The following HCN1 variants were observed in gnomAD, a reference collection of about 807,000 sequenced individuals.
HCN1 encodes the protein hyperpolarization activated cyclic nucleotide gated potassium channel 1.
In HCN1, 13 loss-of-function variants were observed where a neutral mutation model predicts 78.9. That is an observed-to-expected ratio of 0.16 (90% CI 0.11 to 0.26). The LOEUF is 0.26. Among genes scored for constraint, HCN1 ranks in the 10% least tolerant of loss-of-function variants. The pLI, the probability that HCN1 is intolerant of heterozygous loss-of-function variation, is 1.00. For synonymous variants in HCN1, 552 were observed against 455.5 expected, an observed-to-expected ratio of 1.21 and a Z score of -2.70; for missense variants, 810 against 1,154.3, an observed-to-expected ratio of 0.70 and a Z score of 4.32.
At chr5:45,625,198 G>C (rs1304022399) in intron 2 of HCN1, among the ~76,000 whole-genome samples, 1 of 152,062 alleles carries the variant, frequency 6.6e-6, no homozygotes, top group Non-Finnish European at 1.5e-5. Flanking sequence ...AGCTACTTGG[G>C]AGACTGAGGT....
chr5:45,616,814 T>A (rs1744967050), intron 2 of HCN1, among the ~76,000 whole-genome samples: 1 of 152,034 alleles, frequency 6.6e-6, no homozygotes, highest in African/African-American at 2.4e-5. Context: ...TCCTTCGATT[T>A]TTTAATCAAA....
intron 2 of HCN1, among the ~76,000 whole-genome samples, chr5:45,640,858 G>GAAAAAAAAA (rs61584654): frequency 1.2e-5 from 1 of 82,274 alleles, no homozygotes; most frequent in Non-Finnish European, 2.7e-5. Context: ...AGGAGTGATA[G>GAAAAAAAAA]AAAAAAAAAA....
At chr5:45,475,182 A>G (rs1741487631) in intron 2 of HCN1, among the ~76,000 whole-genome samples, 1 of 152,050 alleles carries the variant, frequency 6.6e-6, no homozygotes, top group Non-Finnish European at 1.5e-5. Context: ...CATAATGAGT[A>G]TATGAAAGCA....
At chr5:45,585,560 G>A (rs1579984322) in intron 2 of HCN1, among the ~76,000 whole-genome samples, 1 of 152,144 alleles carries the variant, frequency 6.6e-6, no homozygotes. Flanking sequence ...TTGTTCTGTT[G>A]CTGGTGAGGA....
At chr5:45,435,570 A>T (rs1740546397) in intron 3 of HCN1, among the ~76,000 whole-genome samples, 2 of 152,158 alleles carry the variant, frequency 1.3e-5, no homozygotes, top group Non-Finnish European at 2.9e-5. Context: ...AATGACAATG[A>T]CTCAATGTAA....
At chr5:45,287,535 A>G (rs1450467833) in intron 6 of HCN1, among the ~76,000 whole-genome samples, 2 of 152,048 alleles carry the variant, frequency 1.3e-5, no homozygotes, top group Admixed American at 6.6e-5. Context: ...ATTAAGAACT[A>G]GTTGTTTGAA....
rs865839377 is a variant in HCN1, at chr5:45,523,686, C to T, written c.850-61679G>A. On this transcript the variant is annotated intron_variant, in intron 2 of 7. Coordinates refer to ENST00000303230, the MANE Select transcript of HCN1 (RefSeq NM_021072.4). ...TTGAGAGGTGTCTGTTCATGTCCTT[C>T]GCCCACTTTTTGATGGGTTTGTTTG... Among the ~76,000 whole-genome samples the T allele has an allele frequency of 8.0e-4, 122 of 152,118 alleles. 1 individual carries two copies. The highest frequency in any genetic ancestry group is 2.4e-3 in the African/African-American group (98 of 41,516).
intron 2 of HCN1, among the ~76,000 whole-genome samples, chr5:45,563,433 A>T (rs956742016): frequency 2.6e-5 from 4 of 152,106 alleles, no homozygotes; most frequent in Non-Finnish European, 1.5e-5. Context: ...CCTGGAGGAC[A>T]AAAGTGAGAC....
At chr5:45,272,922 T>C (rs1744986808) in intron 6 of HCN1, among the ~76,000 whole-genome samples, 2 of 152,126 alleles carry the variant, frequency 1.3e-5, no homozygotes, top group African/African-American at 4.8e-5. Flanking sequence ...TTTTTAAAGA[T>C]TGTCTTGGCA....
chr5:45,536,046 T>C (rs2111814618), intron 2 of HCN1, among the ~76,000 whole-genome samples: 1 of 152,180 alleles, frequency 6.6e-6, no homozygotes, highest in East Asian at 1.9e-4. Context: ...TTAAAGATAT[T>C]ATTATATTGT....
In HCN1 at chr5:45,600,292, T is replaced by A. The variant is rs1943864653; in HGVS notation, c.849+44893A>T. On this transcript the variant is annotated intron_variant, in intron 2 of 7. Coordinates refer to ENST00000303230, the MANE Select transcript of HCN1 (RefSeq NM_021072.4). Reference sequence around the variant, plus strand: ...GTTCTGAGTAAAATATTTGATTAATTGACCCCAAAATATTTTTCCTACTTT... The same window carrying A: ...GTTCTGAGTAAAATATTTGATTAATAGACCCCAAAATATTTTTCCTACTTT... 2.6e-5 allele frequency among the ~76,000 whole-genome samples: 4 copies of A among 152,044 alleles called. No individual in the cohort carries two copies. In the South Asian group the frequency reaches 8.3e-4, roughly 32 times the overall value.
chr5:45,276,212 T>TCA (rs752790055), intron 6 of HCN1, among the ~76,000 whole-genome samples: 101 of 151,698 alleles, frequency 6.7e-4, no homozygotes, highest in African/African-American at 1.5e-3. Context: ...TCTCTCTTTC[T>TCA]CACACACACA....
intron 4 of HCN1, among the ~76,000 whole-genome samples, chr5:45,354,831 T>C (rs986377431): frequency 6.6e-6 from 1 of 151,972 alleles, no homozygotes; most frequent in Admixed American, 6.6e-5. Flanking sequence ...AACTGACACA[T>C]TGAGATCTTC....
chr5:45,320,869 C>T (rs1252347205), intron 5 of HCN1, among the ~76,000 whole-genome samples: 2 of 151,740 alleles, frequency 1.3e-5, no homozygotes, highest in Non-Finnish European at 2.9e-5. Flanking sequence ...CATTTCTATT[C>T]GTCACAGTTT....
chr5:45,480,453 T>C (rs538823881), intron 2 of HCN1, among the ~76,000 whole-genome samples: 1 of 152,152 alleles, frequency 6.6e-6, no homozygotes. Flanking sequence ...GAAAACTCAT[T>C]AAGTTTGAGC....
intron 3 of HCN1, among the ~76,000 whole-genome samples, chr5:45,445,633 C>T (rs1051410040): frequency 6.6e-6 from 1 of 152,136 alleles, no homozygotes; most frequent in Admixed American, 6.5e-5. Context: ...CTGGGAGGCA[C>T]CCCCCAGTAG....
intron 5 of HCN1, among the ~76,000 whole-genome samples, chr5:45,317,643 G>C (rs1746023329): frequency 6.6e-6 from 1 of 151,994 alleles, no homozygotes; most frequent in Non-Finnish European, 1.5e-5. Context: ...CAGAATGGGA[G>C]AAAATTTTTG....
intron 2 of HCN1, among the ~76,000 whole-genome samples, chr5:45,482,170 G>A (rs1232023984): frequency 6.6e-6 from 1 of 152,126 alleles, no homozygotes. Context: ...GAAGACAAAG[G>A]CTGGGTGTGA....
intron 6 of HCN1, among the ~76,000 whole-genome samples, chr5:45,270,874 A>T (rs1744948347): frequency 6.6e-6 from 1 of 152,194 alleles, no homozygotes; most frequent in African/African-American, 2.4e-5. Flanking sequence ...ACTGGAGCAT[A>T]GATATAAGTT....
Sources: allele counts gnomAD v4.1 joint callset (sites outside exome capture counted in the v4.1 genomes callset), GRCh38; gene constraint gnomAD v4.1.1; transcripts MANE v1.5; gene names NCBI Gene and HGNC (gene_info 2026-07-23, HGNC 2026-07-21).